The following CTDSPL variants were observed in gnomAD, a reference collection of about 807,000 sequenced individuals.
The protein encoded by CTDSPL is CTD small phosphatase-like protein.
CTDSPL carries 8 observed loss-of-function variants against 30.5 expected under a neutral mutation model. The observed-to-expected ratio is 0.26, with a 90% CI of 0.15 to 0.47. The LOEUF is 0.47. Ranked by LOEUF, CTDSPL falls within the 20% of genes least tolerant of loss-of-function variation. The pLI, the probability that CTDSPL is intolerant of heterozygous loss-of-function variation, is 0.99. For missense variants in CTDSPL, 248 were observed against 366.1 expected, an observed-to-expected ratio of 0.68 and a Z score of 2.63; for synonymous variants, 110 against 137.9, an observed-to-expected ratio of 0.80 and a Z score of 1.42.
chr3:37,885,769 G>C (rs1177548371), intron 1 of CTDSPL, among the ~76,000 whole-genome samples: 1 of 151,610 alleles, frequency 6.6e-6, no homozygotes, highest in Non-Finnish European at 1.5e-5. Context: ...AGGTTCTGAA[G>C]AGAGACAGAC....
At chr3:37,865,929 C>G (rs959395204) in intron 1 of CTDSPL, among the ~76,000 whole-genome samples, 7 of 152,122 alleles carry the variant, frequency 4.6e-5, no homozygotes, top group Admixed American at 2.0e-4. Flanking sequence ...TTTAAACCAG[C>G]CTTTGCTGTG....
At chr3:37,974,323 C>T (rs1391417027) in intron 6 of CTDSPL, among the ~76,000 whole-genome samples, 3 of 152,226 alleles carry the variant, frequency 2.0e-5, no homozygotes, top group Non-Finnish European at 1.5e-5. Flanking sequence ...GATGTTCCCA[C>T]GGAATCATAG....
At position 37,862,125 on chromosome 3, in the gene CTDSPL, GCCCCC is replaced by G; in HGVS notation, c.-73_-69del. 2 of 647,620 alleles carry G rather than the reference GCCCCC, an allele frequency of 3.1e-6. No individual in the cohort carries two copies. The highest frequency in any genetic ancestry group is 1.9e-6 in the Non-Finnish European group (1 of 528,578). The allele number at this position is 647,620 out of a possible 1,614,324, so 40.1% of individuals were successfully genotyped here. ...GCGCCCCCCCGCGCCGCGCCCCCGC[GCCCCC>G]CGCGCCGCGCCCCCGCGCGCTTGGC... is the stretch of plus-strand genomic sequence containing the variant. On this transcript the variant is annotated 5_prime_UTR_variant, in exon 1 of 8. Transcript: ENST00000273179. The surrounding 1 kb of genome is among the most constrained non-coding windows in gnomAD (Gnocchi z 4.3).
At chr3:37,941,634 C>T (rs953679620) in intron 1 of CTDSPL, among the ~76,000 whole-genome samples, 1 of 150,086 alleles carries the variant, frequency 6.7e-6, no homozygotes, top group African/African-American at 2.4e-5. Context: ...AGGTGATCTG[C>T]CCGCCTTGGC....
intron 1 of CTDSPL, among the ~76,000 whole-genome samples, chr3:37,885,403 C>T (rs1348827585): frequency 2.0e-5 from 3 of 152,172 alleles, no homozygotes; most frequent in South Asian, 2.1e-4. Flanking sequence ...GAGCATTTCC[C>T]AGGGAGGTGA....
intron 1 of CTDSPL, among the ~76,000 whole-genome samples, chr3:37,882,124 A>G (rs1317122522): frequency 1.3e-5 from 2 of 152,116 alleles, no homozygotes; most frequent in African/African-American, 2.4e-5. Flanking sequence ...CCTGGCCAAC[A>G]TGGTGAAACC....
chr3:37,971,641 A>T (rs1699368352), intron 6 of CTDSPL, 142 bp downstream of exon 6: 4 of 700,314 alleles, frequency 5.7e-6, no homozygotes, highest in African/African-American at 1.8e-5. Flanking sequence ...GATGGGATGG[A>T]TGCAGGCCAT....
chr3:37,951,237 G>A (rs1007365761), intron 2 of CTDSPL, among the ~76,000 whole-genome samples: 13 of 151,984 alleles, frequency 8.6e-5, no homozygotes, highest in Admixed American at 2.6e-4. Flanking sequence ...GCATGGTGGC[G>A]GGCACCTGTA....
At chr3:37,889,874 C>T (rs1402234733) in intron 1 of CTDSPL, among the ~76,000 whole-genome samples, 1 of 152,040 alleles carries the variant, frequency 6.6e-6, no homozygotes, top group Non-Finnish European at 1.5e-5. Context: ...AGTTATTTTC[C>T]GTTTAGAATT....
At chr3:37,964,172 A>T (rs186416331) in intron 3 of CTDSPL, among the ~76,000 whole-genome samples, 1 of 151,764 alleles carries the variant, frequency 6.6e-6, no homozygotes, top group Non-Finnish European at 1.5e-5. Flanking sequence ...AGTACCTATT[A>T]TAATTAAATA....
rs1208033395 is a variant in CTDSPL, at chr3:37,960,480, C to CAAAA, written c.267+3360_267+3363dup. Among the ~76,000 whole-genome samples, 27 of 4,902 alleles carry CAAAA rather than the reference C, an allele frequency of 5.5e-3. 3 individuals are homozygous for CAAAA. Among genetic ancestry groups the CAAAA allele is most frequent in the East Asian group, 0.016 (2 of 122 alleles). 3.2% of individuals were successfully genotyped at this position (4,902 alleles called of 152,430 possible). A position where few individuals can be genotyped will look rare whatever the true frequency, so the allele number is the denominator to read the frequency against. ...GGGCAACAAGAGCAAAACTCTGTCT[C>CAAAA]AAAAAAAAAAAAAAAAAAAAAAAAA... On this transcript the variant is annotated intron_variant, in intron 3 of 7. Transcript: ENST00000273179.
rs577428640 is a variant in CTDSPL, at chr3:37,941,153, C to G, written c.80-5904C>G. Among the ~76,000 whole-genome samples the G allele has an allele frequency of 2.7e-5, 4 of 150,376 alleles. No homozygotes were observed. The East Asian group carries it at 7.8e-4, about 29-fold the overall frequency. ...GAAGCATTAGCTCTAAGGGCATATC[C>G]AGGAAAACAGAGCCACATGCTACCC... On this transcript the variant is annotated intron_variant, in intron 1 of 7. Transcript: ENST00000273179.
intron 1 of CTDSPL, among the ~76,000 whole-genome samples, chr3:37,867,194 C>T (rs938452389): frequency 2.0e-5 from 3 of 152,056 alleles, no homozygotes; most frequent in African/African-American, 7.2e-5. Flanking sequence ...GGAACATTAT[C>T]TAAATGGAAT....
chr3:37,916,701 G>C (rs996438008), intron 1 of CTDSPL, among the ~76,000 whole-genome samples: 1 of 152,156 alleles, frequency 6.6e-6, no homozygotes, highest in Non-Finnish European at 1.5e-5. Flanking sequence ...TCAGAATTGA[G>C]AGACAATAAA....
At chr3:37,946,436 T>A (rs1575311893) in intron 1 of CTDSPL, among the ~76,000 whole-genome samples, 1 of 152,176 alleles carries the variant, frequency 6.6e-6, no homozygotes, top group East Asian at 1.9e-4. Context: ...GTTTTTTAAG[T>A]GTAAAGGAAG....
chr3:37,927,686 A>ATGTG (rs1263897637), intron 1 of CTDSPL, among the ~76,000 whole-genome samples: 1,133 of 105,876 alleles, frequency 0.011, 9 homozygotes, highest in Non-Finnish European at 0.017. Context: ...GTGTATGTGT[A>ATGTG]TATATATATA....
intron 1 of CTDSPL, among the ~76,000 whole-genome samples, chr3:37,878,493 A>G (rs1698163832): frequency 6.6e-6 from 1 of 152,212 alleles, no homozygotes; most frequent in Non-Finnish European, 1.5e-5. Context: ...GACTATATAT[A>G]TGTGTGGGCC....
chr3:37,982,910 C>T lies in CTDSPL; in HGVS notation c.*2043C>T. 2 of 263,692 alleles carry T rather than the reference C, an allele frequency of 7.6e-6. No homozygotes were observed. Among genetic ancestry groups the T allele is most frequent in the South Asian group, 7.2e-5 (2 of 27,818 alleles). The allele number at this position is 263,692 out of a possible 1,614,324, so 16.3% of individuals were successfully genotyped here. On this transcript the variant is annotated 3_prime_UTR_variant, in exon 8 of 8. Transcript: ENST00000273179. Reference sequence around the variant, plus strand: ...ATTAGGCCCTAATGAGAGCCTTAGACCCTCAACCATGCCCCCTTCGTTGGC... The same window carrying T: ...ATTAGGCCCTAATGAGAGCCTTAGATCCTCAACCATGCCCCCTTCGTTGGC...
chr3:37,971,890 A>C (rs1047200274), intron 6 of CTDSPL, among the ~76,000 whole-genome samples: 5 of 152,218 alleles, frequency 3.3e-5, no homozygotes, highest in African/African-American at 1.2e-4. Context: ...TTGAGGGAGA[A>C]GCAAGTGAGA....
Sources: gnomAD v4.1 joint callset for allele counts (sites outside exome capture counted in the v4.1 genomes callset) on GRCh38, gnomAD v4.1.1 for gene constraint, Gnocchi (gnomAD v3.1) non-coding constraint, MANE v1.5 for transcripts, NCBI Gene and HGNC (gene_info 2026-07-23, HGNC 2026-07-21) for gene names.